Variants in NOL9 observed in about 807,000 individuals in gnomAD.
NOL9 encodes the protein nucleolar protein 9.
Under a neutral mutation model 67.9 loss-of-function variants are expected in NOL9, and 28 were observed. The observed-to-expected ratio is 0.41, with a 90% CI of 0.31 to 0.57. The LOEUF (loss-of-function observed/expected upper bound fraction) is 0.57, where lower values mean the gene tolerates loss of function less well. Ranked by LOEUF, NOL9 falls within the 20% of genes least tolerant of loss-of-function variation. The pLI is 0.25. For synonymous variants in NOL9, 356 were observed against 352.2 expected, an observed-to-expected ratio of 1.01 and a Z score of -0.12; for missense variants, 777 against 897.0, an observed-to-expected ratio of 0.87 and a Z score of 1.71.
intron 9 of NOL9, among the ~76,000 whole-genome samples, chr1:6,530,697 C>G (rs1323516690): frequency 6.6e-6 from 1 of 152,220 alleles, no homozygotes; most frequent in African/African-American, 2.4e-5. Context: ...CCTATGTGAC[C>G]TAAGGCAAAT....
At chr1:6,552,522 A>C (rs1639565428) in intron 1 of NOL9, among the ~76,000 whole-genome samples, 1 of 152,142 alleles carries the variant, frequency 6.6e-6, no homozygotes, top group Non-Finnish European at 1.5e-5. Context: ...TCCCAGGTTA[A>C]AGCAATTCTC....
chr1:6,530,053 A>G (rs4908905), intron 9 of NOL9, among the ~76,000 whole-genome samples: 149,457 of 152,336 alleles, frequency 0.98, 73,387 homozygotes, highest in East Asian at 1. Flanking sequence ...TTGAACCCAC[A>G]AAGTGGAGAT....
At chr1:6,549,493 C>T (rs1407268996) in intron 3 of NOL9, 78 bp downstream of exon 3, 3 of 1,526,634 alleles carry the variant, frequency 2.0e-6, no homozygotes, top group Non-Finnish European at 2.7e-6. Flanking sequence ...TCTTCCAAGA[C>T]AACATCCTAC....
At chr1:6,544,525 A>ACACACG (rs1553183955) in intron 5 of NOL9, among the ~76,000 whole-genome samples, 1 of 69,542 alleles carries the variant, frequency 1.4e-5, no homozygotes, top group African/African-American at 6.0e-5. Flanking sequence ...ACACACACAC[A>ACACACG]CACGCACGCA....
At chr1:6,543,417 G>A (rs1438843860) in intron 5 of NOL9, among the ~76,000 whole-genome samples, 5 of 152,134 alleles carry the variant, frequency 3.3e-5, no homozygotes, top group Admixed American at 1.3e-4. Flanking sequence ...GGATGGTCTC[G>A]ATCTCCTGAC....
chr1:6,538,272 G>C (rs544978731), intron 6 of NOL9, among the ~76,000 whole-genome samples: 4 of 152,212 alleles, frequency 2.6e-5, no homozygotes, highest in South Asian at 4.1e-4. Context: ...TACAGAACAG[G>C]AGAAAACATT....
intron 3 of NOL9, among the ~76,000 whole-genome samples, chr1:6,547,360 G>A (rs1234304308): frequency 1.3e-5 from 2 of 152,034 alleles, no homozygotes; most frequent in Non-Finnish European, 2.9e-5. Flanking sequence ...CCCAGTTAAT[G>A]GCAACTACAT....
chr1:6,538,987 A>G (rs1639216731), intron 6 of NOL9, among the ~76,000 whole-genome samples: 2 of 152,182 alleles, frequency 1.3e-5, no homozygotes, highest in Admixed American at 6.5e-5. Context: ...CAAACGAACA[A>G]AAAAAACACA....
chr1:6,526,671 G>A, intron 11 of NOL9, 25 bp downstream of exon 11: 2 of 1,597,388 alleles, frequency 1.3e-6, no homozygotes, highest in Non-Finnish European at 1.7e-6. Context: ...GCTCCTTCCA[G>A]GGCTGTGCCC....
intron 1 of NOL9, among the ~76,000 whole-genome samples, chr1:6,552,321 C>T (rs934923871): frequency 6.7e-6 from 1 of 150,108 alleles, no homozygotes; most frequent in South Asian, 2.1e-4. Flanking sequence ...CCACCACACC[C>T]GGCCGATATT....
intron 1 of NOL9, among the ~76,000 whole-genome samples, chr1:6,551,900 T>C (rs947667229): frequency 1.3e-5 from 2 of 152,000 alleles, no homozygotes; most frequent in African/African-American, 4.8e-5. Flanking sequence ...CCAGGTGTGG[T>C]GGCGGGCACC....
chr1:6,535,670 T>C (rs1639136195), intron 6 of NOL9, among the ~76,000 whole-genome samples: 1 of 152,232 alleles, frequency 6.6e-6, no homozygotes, highest in African/African-American at 2.4e-5. Flanking sequence ...CTTACACCTA[T>C]AATTCTAGCA....
At chr1:6,550,840 C>T (rs995238721) in intron 1 of NOL9, among the ~76,000 whole-genome samples, 3 of 152,080 alleles carry the variant, frequency 2.0e-5, no homozygotes, top group Non-Finnish European at 4.4e-5. Context: ...AGTGTCACCA[C>T]GCCCGGCTAA....
intron 3 of NOL9, among the ~76,000 whole-genome samples, chr1:6,546,286 C>T (rs1219903514): frequency 2.0e-5 from 3 of 152,102 alleles, no homozygotes; most frequent in Non-Finnish European, 4.4e-5. Flanking sequence ...AATGTGGCTG[C>T]CCCATAGCAT....
At chr1:6,528,313 T>C (rs1216995641) in intron 10 of NOL9, among the ~76,000 whole-genome samples, 1 of 152,086 alleles carries the variant, frequency 6.6e-6, no homozygotes, top group Admixed American at 6.6e-5. Flanking sequence ...GCTGTAGGGA[T>C]GAATTTTAAG....
At chr1:6,539,057 T>A (rs1639218349) in intron 6 of NOL9, among the ~76,000 whole-genome samples, 1 of 152,150 alleles carries the variant, frequency 6.6e-6, no homozygotes, top group African/African-American at 2.4e-5. Flanking sequence ...AAATGGCCAA[T>A]AAGTACATGC....
In NOL9 at chr1:6,554,340, C is replaced by T; in HGVS notation, c.163G>A (p.Ala55Thr). 1.4e-6 allele frequency: 2 copies of T among 1,461,812 alleles called. No individual in the cohort carries two copies. Among genetic ancestry groups the T allele is most frequent in the South Asian group, 1.4e-5 (1 of 72,120 alleles). 90.6% of individuals were successfully genotyped at this position (1,461,812 alleles called of 1,614,324 possible). Reference sequence around the variant, plus strand: ...CTCCAGTCCACGCCGGACGCCTGGGCTTGCAGTAACCGCCACCGTAGGCGC... The same window carrying T: ...CTCCAGTCCACGCCGGACGCCTGGGTTTGCAGTAACCGCCACCGTAGGCGC... ...RRRLRWRLLQ[A>T]QASGVDWREG... is the part of the protein sequence containing the mutation. The change falls in exon 1 of 12, where the codon GCC becomes ACC. Residue 55 changes from alanine (A) to threonine (T), a missense_variant. Ala to Thr is a moderately conservative substitution (Grantham distance 58). This residue lies in a region of NOL9 where 364 missense variants were observed against 344.4 expected (regional missense o/e 1.06). Coordinates refer to ENST00000377705, the MANE Select transcript of NOL9 (RefSeq NM_024654.5).
intron 3 of NOL9, among the ~76,000 whole-genome samples, chr1:6,547,328 A>G (rs552303482): frequency 2.0e-5 from 3 of 151,656 alleles, no homozygotes; most frequent in Admixed American, 6.6e-5. Context: ...ATGGAAACCC[A>G]CTCCTCCTGC....
Position 6,541,942 on chromosome 1 carries a change from AAAAGAAAAAAG to A in NOL9, c.978-26_978-16del. 1 of 1,505,636 alleles carries A rather than the reference AAAAGAAAAAAG, an allele frequency of 6.6e-7. No individual in the cohort carries two copies. The highest frequency in any genetic ancestry group is 9.1e-7 in the Non-Finnish European group (1 of 1,104,216). 93.3% of individuals were successfully genotyped at this position (1,505,636 alleles called of 1,614,324 possible). ...CGCAGGGAAGACTGCAAATTTTTAA[AAAAGAAAAAAG>A]AAAGAAAATCCTAACTAGCTTTACT... On this transcript the variant is annotated splice_polypyrimidine_tract_variant and intron_variant, in intron 5 of 11. Coordinates refer to ENST00000377705, the MANE Select transcript of NOL9 (RefSeq NM_024654.5).
Sources: gnomAD v4.1 joint callset for allele counts (sites outside exome capture counted in the v4.1 genomes callset) on GRCh38, gnomAD v4.1.1 for gene constraint, gnomAD v4.1.1 regional missense constraint, MANE v1.5 for transcripts, NCBI Gene and HGNC (gene_info 2026-07-23, HGNC 2026-07-21) for gene names.